Variants in HDAC2 observed in about 807,000 individuals in gnomAD.
HDAC2 encodes the protein histone deacetylase 2.
HDAC2 carries 5 observed loss-of-function variants against 68.5 expected under a neutral mutation model. The ratio of observed to expected loss-of-function variants is 0.07; its 90% CI spans 0.04 to 0.15. The LOEUF (loss-of-function observed/expected upper bound fraction) is 0.15, where lower values mean the gene tolerates loss of function less well. Among genes scored for constraint, HDAC2 ranks in the 10% least tolerant of loss-of-function variants. The pLI is 1.00. For missense variants in HDAC2, 291 were observed against 600.8 expected (o/e 0.48, Z 5.39); for synonymous variants, 182 against 191.3 (o/e 0.95, Z 0.40).
intron 1 of HDAC2, among the ~76,000 whole-genome samples, chr6:113,966,556 CAAAA>C (rs57345054): frequency 9.3e-6 from 1 of 107,356 alleles, no homozygotes; most frequent in Non-Finnish European, 1.9e-5. Flanking sequence ...AATTCCATCT[CAAAA>C]AAAAAAAAAA....
rs1776258419 is a variant in HDAC2, at chr6:113,946,135, A to G, written c.855T>C (p.Cys285=). Residue 285 remains cysteine, a synonymous_variant, in exon 9 of 14, where the codon TGT becomes TGC. Transcript: ENST00000519065. ...FNLTVKGHAK[C]VEVVKTFNLP... is the part of the protein sequence containing the mutation. ...AGTTAAAAGTTTTTACAACTTCTAC[A>G]CATTTAGCATGACCTAAGACAAGAA... 6.2e-7 allele frequency: 1 copy of G among 1,613,226 alleles called. No individual in the cohort carries two copies.
intron 10 of HDAC2, among the ~76,000 whole-genome samples, chr6:113,945,020 A>G (rs1290194422): frequency 6.6e-6 from 1 of 152,090 alleles, no homozygotes; most frequent in African/African-American, 2.4e-5. Flanking sequence ...ATACATTTCA[A>G]CTAATAAAAA....
rs1338492147 is a variant in HDAC2 at position 113,971,110 on chromosome 6, G to C, written c.-202C>G. The stretch of plus-strand genomic sequence containing the variant: ...ACCCGGCAGAGGTGCCGAAAGCTCG[G>C]AATCGGAGGTGGCAGCGGCACCAAC... On this transcript the variant is annotated 5_prime_UTR_variant, in exon 1 of 14. Transcript: ENST00000519065. The C allele has an allele frequency of 3.3e-6, 5 of 1,535,994 alleles. No homozygotes were observed. The Admixed American group carries it at 7.9e-5, about 24-fold the overall frequency.
In HDAC2 at chr6:113,948,983, G is replaced by A; in HGVS notation, c.837C>T (p.Val279=). Residue 279 remains valine, a synonymous_variant, in exon 8 of 14, where the codon GTC becomes GTT. Coordinates refer to ENST00000519065, the MANE Select transcript of HDAC2 (RefSeq NM_001527.4). ...GDRLGCFNLT[V]KGHAKCVEVV... ...ACCACCCTTTGAATTGCTTACCTTT[G>A]ACTGTTAGATTGAAACAACCCAGTC... The A allele has an allele frequency of 6.2e-7, 1 of 1,613,444 alleles. No individual in the cohort carries two copies. Among genetic ancestry groups the A allele is most frequent in the South Asian group, 1.1e-5 (1 of 90,952 alleles).
rs752362666 is a variant in HDAC2 at position 113,970,985 on chromosome 6, C to G, written c.-77G>C. ...GCTGCTGCTGCCGCCGCGGCTCGGC[C>G]GGGAGAGAAAAGGGCTGAGGGAAAC... On this transcript the variant is annotated 5_prime_UTR_variant, in exon 1 of 14. Coordinates refer to ENST00000519065, the MANE Select transcript of HDAC2 (RefSeq NM_001527.4). The G allele has an allele frequency of 2.5e-6, 4 of 1,571,690 alleles. No homozygotes were observed. Among genetic ancestry groups the G allele is most frequent in the Non-Finnish European group, 2.6e-6 (3 of 1,158,548 alleles).
chr6:113,961,231 C>T lies in HDAC2; in HGVS notation c.53-1213G>A, dbSNP rs954873795. Reference sequence around the variant, plus strand: ...ATTTATCCACTAAATCTTTCAAAGTCCTCCCTAAATACACCTTTTGTTTGT... The same window carrying T: ...ATTTATCCACTAAATCTTTCAAAGTTCTCCCTAAATACACCTTTTGTTTGT... On this transcript the variant is annotated intron_variant, in intron 1 of 13. Transcript: ENST00000519065. Among the ~76,000 whole-genome samples the T allele has an allele frequency of 2.0e-5, 3 of 152,220 alleles. No homozygotes were observed. The East Asian group carries it at 5.8e-4, about 29-fold the overall frequency.
At chr6:113,945,329 A>T in intron 10 of HDAC2, 33 bp downstream of exon 10, 1 of 1,002,954 alleles carries the variant, frequency 1.0e-6, no homozygotes. Flanking sequence ...GTCAAGATAA[A>T]ATGTTTATCA....
chr6:113,939,941 G>A lies in HDAC2; in HGVS notation c.*1117C>T, dbSNP rs1776093273. 6.6e-6 allele frequency: 1 copy of A among 152,030 alleles called. No individual in the cohort carries two copies. Among genetic ancestry groups the A allele is most frequent in the African/African-American group, 2.4e-5 (1 of 41,386 alleles). 9.4% of individuals were successfully genotyped at this position (152,030 alleles called of 1,614,324 possible). ...ATACTTTTGACTGAATTATCTTCTGGCATTCTGTAATTTTTAATCTCAAAA... is the reference window on the plus strand; with the variant it reads ...ATACTTTTGACTGAATTATCTTCTGACATTCTGTAATTTTTAATCTCAAAA... On this transcript the variant is annotated 3_prime_UTR_variant, in exon 14 of 14. Transcript: ENST00000519065.
intron 6 of HDAC2, 26 bp downstream of exon 6, chr6:113,953,250 AT>A: frequency 2.5e-6 from 4 of 1,572,420 alleles, no homozygotes; most frequent in Non-Finnish European, 2.6e-6. Context: ...ATCTCACAAT[AT>A]TTTTTCAGAC....
At chr6:113,962,706 G>A (rs1265650629) in intron 1 of HDAC2, among the ~76,000 whole-genome samples, 2 of 152,016 alleles carry the variant, frequency 1.3e-5, no homozygotes, top group Non-Finnish European at 2.9e-5. Flanking sequence ...GCTCACACCC[G>A]TAATCCCAGT....
intron 8 of HDAC2, 74 bp downstream of exon 8, chr6:113,948,905 G>C (rs940966010): frequency 6.5e-7 from 1 of 1,541,102 alleles, no homozygotes; most frequent in Non-Finnish European, 8.8e-7. Flanking sequence ...ACTACAATGA[G>C]AACTTTTACG....
Position 113,953,389 on chromosome 6 carries a change from A to G in HDAC2, c.527T>C (p.Ile176Thr), listed in dbSNP as rs1448327423. Residue 176 changes from isoleucine to threonine, a missense_variant, in exon 6 of 14, where the codon ATA (isoleucine) becomes ACA (threonine). By Grantham distance (89) the Ile-to-Thr change is moderately conservative. Around this residue, in one of 2 missense-constraint regions of HDAC2, gnomAD observed 154 missense variants for 472.1 expected, o/e 0.33. Coordinates refer to ENST00000519065, the MANE Select transcript of HDAC2 (RefSeq NM_001527.4). ...AACACCATCACCATGATGAATATCT[A>G]TATCAATATATAAGACTCTCTGATG... is the stretch of plus-strand genomic sequence containing the variant. Reference protein sequence around the residue: ...KYHQRVLYIDIDIHHGDGVEE... With the variant: ...KYHQRVLYIDTDIHHGDGVEE... The G allele has an allele frequency of 3.8e-6, 6 of 1,574,442 alleles. No individual in the cohort carries two copies. In the Admixed American group the frequency reaches 5.0e-5, roughly 13 times the overall value.
chr6:113,952,963 G>A (rs6939225), intron 6 of HDAC2, among the ~76,000 whole-genome samples: 1,612 of 152,200 alleles, frequency 0.011, 25 homozygotes, highest in African/African-American at 0.036. Context: ...CAATAGCAAC[G>A]TAGGCTACCA....
Position 113,936,119 on chromosome 6 carries a change from A to G in HDAC2, c.*4939T>C, listed in dbSNP as rs1162968574. The stretch of plus-strand genomic sequence containing the variant: ...GATGTAAAACTTAGAAATTAGTGTT[A>G]TAATTCTTATAGGAAAACCTAAATC... On this transcript the variant is annotated 3_prime_UTR_variant, in exon 14 of 14. Transcript: ENST00000519065. 2.0e-5 allele frequency: 3 copies of G among 152,342 alleles called. No individual in the cohort carries two copies. The highest frequency in any genetic ancestry group is 3.9e-4 in the East Asian group (2 of 5,188). 9.4% of individuals were successfully genotyped at this position (152,342 alleles called of 1,614,324 possible).
At chr6:113,960,059 G>T in intron 1 of HDAC2, 41 bp from the exon 2 acceptor site, 1 of 938,632 alleles carries the variant, frequency 1.1e-6, no homozygotes, top group South Asian at 1.3e-5. Context: ...ACAGACAAGA[G>T]ACCCTCCATG....
intron 1 of HDAC2, chr6:113,962,267 A>T: frequency 5.5e-6 from 1 of 180,800 alleles, no homozygotes; most frequent in Non-Finnish European, 1.1e-5. Context: ...TGCCTAAGTC[A>T]CATAGCCAGC....
rs1437202443 is a variant in HDAC2, at chr6:113,970,990, G to A, written c.-82C>T. The A allele has an allele frequency of 1.2e-5, 19 of 1,574,544 alleles. No individual in the cohort carries two copies. The highest frequency in any genetic ancestry group is 1.5e-5 in the Non-Finnish European group (17 of 1,159,994). ...TGCTGCCGCCGCGGCTCGGCCGGGA[G>A]AGAAAAGGGCTGAGGGAAACGTGGG... On this transcript the variant is annotated 5_prime_UTR_variant, in exon 1 of 14. Coordinates refer to ENST00000519065, the MANE Select transcript of HDAC2 (RefSeq NM_001527.4).
chr6:113,966,934 A>C, intron 1 of HDAC2, among the ~76,000 whole-genome samples: 1 of 152,316 alleles, frequency 6.6e-6, no homozygotes, highest in East Asian at 1.9e-4. Context: ...TTTAGCACTT[A>C]TTTGCCTCCA....
intron 10 of HDAC2, 102 bp from the exon 11 acceptor site, chr6:113,944,512 T>C (rs1350012858): frequency 1.1e-6 from 1 of 915,308 alleles, no homozygotes; most frequent in Non-Finnish European, 1.7e-6. Context: ...TTGGTCTAGC[T>C]AAACCTATAT....
Sources: gnomAD v4.1 joint callset for allele counts (sites outside exome capture counted in the v4.1 genomes callset) on GRCh38, gnomAD v4.1.1 for gene constraint, gnomAD v4.1.1 regional missense constraint, MANE v1.5 for transcripts, NCBI Gene and HGNC (gene_info 2026-07-23, HGNC 2026-07-21) for gene names.